The following DIP2C variants were observed in gnomAD, a reference collection of about 807,000 sequenced individuals.
DIP2C encodes the protein DIP2 acetate--CoA ligase C (putative).
Under a neutral mutation model 192.4 loss-of-function variants are expected in DIP2C, and 33 were observed. That is an observed-to-expected ratio of 0.17 (90% CI 0.13 to 0.23). The LOEUF (loss-of-function observed/expected upper bound fraction) is 0.23, where lower values mean the gene tolerates loss of function less well. Among genes scored for constraint, DIP2C ranks in the 10% least tolerant of loss-of-function variants. The pLI is 1.00. For synonymous variants in DIP2C, 979 were observed against 864.1 expected (o/e 1.13, Z -2.33); for missense variants, 1,537 against 2,110.1 (o/e 0.73, Z 5.32).
At chr10:512,266 G>A (rs1846065279) in intron 1 of DIP2C, among the ~76,000 whole-genome samples, 1 of 152,126 alleles carries the variant, frequency 6.6e-6, no homozygotes, top group South Asian at 2.1e-4. Flanking sequence ...AATCCTGGAA[G>A]GGAAAAAAAT....
At chr10:368,940 G>A (rs1960630099) in intron 18 of DIP2C, among the ~76,000 whole-genome samples, 1 of 152,260 alleles carries the variant, frequency 6.6e-6, no homozygotes, top group African/African-American at 2.4e-5. Context: ...CCTGGGAGGT[G>A]CCTGGGCGCT....
At chr10:438,303 T>C (rs1368448882) in intron 4 of DIP2C, among the ~76,000 whole-genome samples, 1 of 152,198 alleles carries the variant, frequency 6.6e-6, no homozygotes, top group Admixed American at 6.5e-5. Flanking sequence ...GTTTCTCTTA[T>C]AAAAAGTGGT....
At chr10:312,337 C>T (rs186169995) in intron 31 of DIP2C, among the ~76,000 whole-genome samples, 27 of 152,310 alleles carry the variant, frequency 1.8e-4, no homozygotes, top group African/African-American at 6.0e-4. Context: ...GTATTTTTCC[C>T]TATGTCACTT....
In DIP2C at chr10:422,885, C is replaced by A. The variant is rs377380348; in HGVS notation, c.543G>T (p.Thr181=). The A allele has an allele frequency of 1.9e-6, 3 of 1,613,730 alleles. No individual in the cohort carries two copies. The highest frequency in any genetic ancestry group is 2.5e-6 in the Non-Finnish European group (3 of 1,180,030). Residue 181 remains threonine, a synonymous_variant, in exon 5 of 37, where the codon ACG becomes ACT. Coordinates refer to ENST00000280886, the MANE Select transcript of DIP2C (RefSeq NM_014974.3). ...STTSTTSSSS[T]QSGGSGAAHR... is the part of the protein sequence containing the mutation. ...GGGCAGCCCCGCTGCCCCCGCTCTGCGTAGAGGACGAGGAGGTGGTGGACG... is the reference window on the plus strand; with the variant it reads ...GGGCAGCCCCGCTGCCCCCGCTCTGAGTAGAGGACGAGGAGGTGGTGGACG...
chr10:663,050 G>A (rs1311385193), intron 1 of DIP2C: 1 of 636,648 alleles, frequency 1.6e-6, no homozygotes, highest in Non-Finnish European at 2.9e-6. Flanking sequence ...ACCCTGCTGG[G>A]GCAGATGGTG....
At chr10:548,604 G>A (rs1435949418) in intron 1 of DIP2C, among the ~76,000 whole-genome samples, 1 of 149,924 alleles carries the variant, frequency 6.7e-6, no homozygotes, top group South Asian at 2.2e-4. Context: ...GACGTGGCAA[G>A]GGTTATGGGG....
chr10:349,806 C>T (rs191986735), intron 24 of DIP2C, among the ~76,000 whole-genome samples: 7 of 152,248 alleles, frequency 4.6e-5, no homozygotes, highest in East Asian at 3.9e-4. Flanking sequence ...GTGTCATTGT[C>T]GTGGGCAGTG....
At chr10:571,213 C>T (rs576342821) in intron 1 of DIP2C, among the ~76,000 whole-genome samples, 1 of 152,258 alleles carries the variant, frequency 6.6e-6, no homozygotes, top group Non-Finnish European at 1.5e-5. Context: ...AAGCACTTCT[C>T]TCTCCAACCT....
intron 1 of DIP2C, among the ~76,000 whole-genome samples, chr10:657,099 G>A (rs552370903): frequency 6.6e-6 from 1 of 151,788 alleles, no homozygotes; most frequent in African/African-American, 2.4e-5. Flanking sequence ...ACTTGACACT[G>A]GACCTGCCCC....
intron 1 of DIP2C, among the ~76,000 whole-genome samples, chr10:678,872 T>G (rs1426424624): frequency 2.9e-5 from 2 of 69,046 alleles, no homozygotes; most frequent in Non-Finnish European, 2.6e-5. Context: ...CCCACGCCCA[T>G]GCTCCCCGCA....
At chr10:367,222 C>G (rs1960356571) in intron 18 of DIP2C, among the ~76,000 whole-genome samples, 1 of 152,126 alleles carries the variant, frequency 6.6e-6, no homozygotes, top group African/African-American at 2.4e-5. Flanking sequence ...TCGAGACCAT[C>G]CTGGCTAACA....
intron 1 of DIP2C, among the ~76,000 whole-genome samples, chr10:633,106 C>G (rs1303045716): frequency 2.6e-5 from 4 of 152,224 alleles, no homozygotes; most frequent in African/African-American, 7.2e-5. Flanking sequence ...ATCCTTCTAC[C>G]TCAACCGGGA....
At chr10:367,454 GA>G (rs1327922480) in intron 18 of DIP2C, among the ~76,000 whole-genome samples, 1 of 151,714 alleles carries the variant, frequency 6.6e-6, no homozygotes, top group Non-Finnish European at 1.5e-5. Context: ...AATTTACACT[GA>G]AAGATTCTTC....
intron 1 of DIP2C, among the ~76,000 whole-genome samples, chr10:616,634 G>A (rs960764984): frequency 6.6e-6 from 1 of 152,164 alleles, no homozygotes; most frequent in African/African-American, 2.4e-5. Flanking sequence ...CAGGTTTAAT[G>A]CCACGTGTGC....
chr10:343,158 G>A (rs1420228482), intron 28 of DIP2C, among the ~76,000 whole-genome samples: 3 of 152,160 alleles, frequency 2.0e-5, no homozygotes, highest in African/African-American at 4.8e-5. Flanking sequence ...GGGTGGTGGC[G>A]CATGCCTGTA....
At chr10:399,485 G>A (rs749307889) in intron 9 of DIP2C, among the ~76,000 whole-genome samples, 3 of 152,132 alleles carry the variant, frequency 2.0e-5, no homozygotes, top group Non-Finnish European at 4.4e-5. Context: ...ATACCCACAC[G>A]TTTCCACATA....
At chr10:306,203 G>C (rs1037677406) in intron 32 of DIP2C, among the ~76,000 whole-genome samples, 1 of 151,922 alleles carries the variant, frequency 6.6e-6, no homozygotes, top group African/African-American at 2.4e-5. Context: ...CAGAAGCAGG[G>C]AGAGTGTGTC....
At chr10:553,773 C>T (rs1564843173) in intron 1 of DIP2C, among the ~76,000 whole-genome samples, 1 of 150,568 alleles carries the variant, frequency 6.6e-6, no homozygotes, top group Non-Finnish European at 1.5e-5. Flanking sequence ...AAATATACCT[C>T]ATAGGAGAAA....
intron 4 of DIP2C, among the ~76,000 whole-genome samples, chr10:439,358 C>T (rs1264195923): frequency 2.0e-5 from 3 of 152,144 alleles, no homozygotes; most frequent in South Asian, 2.1e-4. Flanking sequence ...GCTAGCACGG[C>T]GTTCACTCTC....
Sources: gnomAD v4.1 joint callset for allele counts (sites outside exome capture counted in the v4.1 genomes callset) on GRCh38, gnomAD v4.1.1 for gene constraint, MANE v1.5 for transcripts, NCBI Gene and HGNC (gene_info 2026-07-23, HGNC 2026-07-21) for gene names.